PGGT1B: variants seen among roughly 807,000 people sequenced by gnomAD.
PGGT1B encodes geranylgeranyl transferase type-1 subunit beta.
PGGT1B carries 30 observed loss-of-function variants against 46.1 expected under a neutral mutation model. That is an observed-to-expected ratio of 0.65 (90% CI 0.49 to 0.88). The LOEUF (loss-of-function observed/expected upper bound fraction) is 0.88, where lower values mean the gene tolerates loss of function less well. Ranked by LOEUF, PGGT1B falls within the 40% of genes least tolerant of loss-of-function variation. The pLI, the probability that PGGT1B is intolerant of heterozygous loss-of-function variation, is 0.00. For synonymous variants in PGGT1B, 170 were observed against 160.0 expected (o/e 1.06, Z -0.47); for missense variants, 376 against 455.9 (o/e 0.82, Z 1.60).
chr5:115,241,489 A>G, intron 3 of PGGT1B, 50 bp downstream of exon 3: 1 of 1,149,818 alleles, frequency 8.7e-7, no homozygotes, highest in Non-Finnish European at 1.2e-6. Context: ...CTCTTTTATT[A>G]AAATATCCCT....
intron 3 of PGGT1B, among the ~76,000 whole-genome samples, chr5:115,239,090 G>A (rs1053410089): frequency 2.0e-5 from 3 of 151,926 alleles, no homozygotes; most frequent in African/African-American, 7.3e-5. Context: ...CCAGGCTGGA[G>A]TGCAGTGGCA....
rs1756138263 is a variant in PGGT1B at position 115,208,792 on chromosome 5, T to C, written c.*3610A>G. On this transcript the variant is annotated 3_prime_UTR_variant, in exon 9 of 9. Coordinates refer to ENST00000419445, the MANE Select transcript of PGGT1B (RefSeq NM_005023.4). ...CAAGTGTTTGGTACTTGGTTAATTT[T>C]CCCCTTTTCCTACTTTTATTGATAA... is the stretch of plus-strand genomic sequence containing the variant. 1 of 152,090 alleles carries C rather than the reference T, an allele frequency of 6.6e-6. No individual in the cohort carries two copies. The highest frequency in any genetic ancestry group is 1.9e-4 in the East Asian group (1 of 5,194). 9.4% of individuals were successfully genotyped at this position (152,090 alleles called of 1,614,324 possible). A position where few individuals can be genotyped will look rare whatever the true frequency, so the allele number is the denominator to read the frequency against.
intron 7 of PGGT1B, among the ~76,000 whole-genome samples, chr5:115,220,733 T>A (rs576817108): frequency 6.6e-6 from 1 of 152,086 alleles, no homozygotes; most frequent in South Asian, 2.1e-4. Context: ...TTAATGATAA[T>A]AAGAAATTAT....
chr5:115,244,215 C>T (rs1747695588), intron 2 of PGGT1B, among the ~76,000 whole-genome samples: 1 of 152,062 alleles, frequency 6.6e-6, no homozygotes, highest in Non-Finnish European at 1.5e-5. Context: ...CCTGTAATCC[C>T]AGCACTTTGG....
chr5:115,227,860 A>G (rs1202001783), intron 6 of PGGT1B, among the ~76,000 whole-genome samples: 3 of 152,220 alleles, frequency 2.0e-5, no homozygotes, highest in African/African-American at 4.8e-5. Context: ...ATCAGATGGT[A>G]GTGGGCAAAC....
intron 5 of PGGT1B, among the ~76,000 whole-genome samples, chr5:115,235,459 G>A (rs749188562): frequency 5.9e-5 from 9 of 151,888 alleles, no homozygotes; most frequent in Non-Finnish European, 8.8e-5. Flanking sequence ...CAAGATATTC[G>A]GTAATTACAA....
rs765809452 is a variant in PGGT1B, at chr5:115,221,938, T to C, written c.729A>G (p.Lys243=). Residue 243 remains lysine (K), a synonymous_variant, in exon 7 of 9, where the codon AAA becomes AAG. Transcript: ENST00000419445. ...ACCACCTCTTTATCCTGTTCAATTC[T>C]TTTTCTGAAAAAACTTCTTCTAGTT... is the stretch of plus-strand genomic sequence containing the variant. ...MGKLEEVFSE[K]ELNRIKRWCI... 2.5e-6 allele frequency: 4 copies of C among 1,603,936 alleles called. No individual in the cohort carries two copies. In the South Asian group the frequency reaches 3.4e-5, roughly 13 times the overall value.
At chr5:115,228,409 G>A (rs1756862691) in intron 6 of PGGT1B, among the ~76,000 whole-genome samples, 2 of 152,106 alleles carry the variant, frequency 1.3e-5, no homozygotes, top group Admixed American at 6.6e-5. Flanking sequence ...AACATAGGTC[G>A]TTTATAAAAT....
intron 8 of PGGT1B, among the ~76,000 whole-genome samples, chr5:115,214,970 T>TGTACA (rs2126987486): frequency 6.6e-6 from 1 of 152,342 alleles, no homozygotes; most frequent in East Asian, 1.9e-4. Context: ...TTGAAAGCAA[T>TGTACA]GTACACTTTC....
chr5:115,247,722 G>A (rs1016269178), intron 2 of PGGT1B, among the ~76,000 whole-genome samples: 1 of 152,060 alleles, frequency 6.6e-6, no homozygotes, highest in Non-Finnish European at 1.5e-5. Context: ...TCACACATTT[G>A]TTTTAGAATT....
At chr5:115,251,819 T>G (rs907100657) in intron 2 of PGGT1B, among the ~76,000 whole-genome samples, 9 of 151,990 alleles carry the variant, frequency 5.9e-5, no homozygotes. Context: ...AAACCGGGCA[T>G]GTACTTATAA....
At chr5:115,262,041 C>G (rs554035416) in intron 1 of PGGT1B, among the ~76,000 whole-genome samples, 1 of 152,370 alleles carries the variant, frequency 6.6e-6, no homozygotes, top group East Asian at 1.9e-4. Flanking sequence ...CATCCAGTCT[C>G]AAGCAGCTTT....
intron 7 of PGGT1B, among the ~76,000 whole-genome samples, chr5:115,220,608 G>C (rs1302037452): frequency 6.6e-6 from 1 of 151,890 alleles, no homozygotes; most frequent in East Asian, 1.9e-4. Flanking sequence ...AATGTGCTAT[G>C]TATATTTTCA....
At chr5:115,224,771 G>A (rs1162290882) in intron 6 of PGGT1B, among the ~76,000 whole-genome samples, 2 of 151,342 alleles carry the variant, frequency 1.3e-5, no homozygotes, top group South Asian at 4.2e-4. Flanking sequence ...CAACTCAGAA[G>A]GTGGAAGTAG....
At chr5:115,262,512 C>T in intron 1 of PGGT1B, 200 bp downstream of exon 1, 1 of 597,080 alleles carries the variant, frequency 1.7e-6, no homozygotes, top group Admixed American at 3.2e-5. Flanking sequence ...GATGCCACAG[C>T]CCTCGACCTA....
At chr5:115,217,063 T>C in intron 7 of PGGT1B, 90 bp from the exon 8 acceptor site, 2 of 677,488 alleles carry the variant, frequency 3.0e-6, no homozygotes, top group Non-Finnish European at 5.3e-6. Context: ...TTAGATATGC[T>C]TTTCTTTAGC....
chr5:115,208,500 T>G lies in PGGT1B; in HGVS notation c.*3902A>C, dbSNP rs764265433. The G allele has an allele frequency of 6.6e-6, 1 of 152,070 alleles. No homozygotes were observed. Among genetic ancestry groups the G allele is most frequent in the Non-Finnish European group, 1.5e-5 (1 of 67,964 alleles). The allele number at this position is 152,070 out of a possible 1,614,324, so 9.4% of individuals were successfully genotyped here. A position where few individuals can be genotyped will look rare whatever the true frequency, so the allele number is the denominator to read the frequency against. ...AATTTGCATTTTTCTCAAAATAGTT[T>G]TTGAATTTATTGTGTAAAATTGCTC... On this transcript the variant is annotated 3_prime_UTR_variant, in exon 9 of 9. Transcript: ENST00000419445.
In PGGT1B at chr5:115,204,451, C is replaced by T. The variant is rs1756004388; in HGVS notation, c.*7951G>A. 6.6e-6 allele frequency: 1 copy of T among 152,156 alleles called. No individual in the cohort carries two copies. The highest frequency in any genetic ancestry group is 2.4e-5 in the African/African-American group (1 of 41,422). 9.4% of individuals were successfully genotyped at this position (152,156 alleles called of 1,614,324 possible). A position where few individuals can be genotyped will look rare whatever the true frequency, so the allele number is the denominator to read the frequency against. On this transcript the variant is annotated 3_prime_UTR_variant, in exon 9 of 9. Coordinates refer to ENST00000419445, the MANE Select transcript of PGGT1B (RefSeq NM_005023.4). ...ATTATTCTGATTTCACTCTCAAAGG[C>T]ATACAGTTGGCATTAATTCATACAG...
At chr5:115,220,960 G>C (rs1164775694) in intron 7 of PGGT1B, among the ~76,000 whole-genome samples, 2 of 151,922 alleles carry the variant, frequency 1.3e-5, no homozygotes, top group African/African-American at 2.4e-5. Context: ...TGGACACATG[G>C]GTGTTATTAT....
Sources: gnomAD v4.1 joint callset for allele counts (sites outside exome capture counted in the v4.1 genomes callset) on GRCh38, gnomAD v4.1.1 for gene constraint, MANE v1.5 for transcripts, NCBI Gene and HGNC (gene_info 2026-07-23, HGNC 2026-07-21) for gene names.